The following STXBP5L variants were observed in gnomAD, a reference collection of about 807,000 sequenced individuals.
STXBP5L encodes the protein syntaxin binding protein 5L, also known as syntaxin-binding protein 5-like.
A neutral mutation model predicts 144.5 loss-of-function variants in STXBP5L; 65 were observed. The ratio of observed to expected loss-of-function variants is 0.45; its 90% CI spans 0.37 to 0.55. The LOEUF is 0.55. STXBP5L is among the 20% of genes least tolerant of loss of function. STXBP5L has a pLI of 0.00. For synonymous variants in STXBP5L, 505 were observed against 469.6 expected, an observed-to-expected ratio of 1.08 and a Z score of -0.97; for missense variants, 1,298 against 1,405.5, an observed-to-expected ratio of 0.92 and a Z score of 1.22.
intron 16 of STXBP5L, among the ~76,000 whole-genome samples, chr3:121,256,868 T>C (rs1206677956): frequency 1.3e-5 from 2 of 151,510 alleles, no homozygotes; most frequent in Non-Finnish European, 2.9e-5. Flanking sequence ...ATATTTATTA[T>C]ATAAAAACTT....
At chr3:121,123,831 T>C (rs1303611853) in intron 7 of STXBP5L, among the ~76,000 whole-genome samples, 1 of 151,800 alleles carries the variant, frequency 6.6e-6, no homozygotes, top group East Asian at 1.9e-4. Flanking sequence ...GTATATCAGT[T>C]TTTCCATCAA....
intron 19 of STXBP5L, among the ~76,000 whole-genome samples, chr3:121,304,540 T>C (rs144183575): frequency 6.6e-6 from 1 of 152,276 alleles, no homozygotes; most frequent in East Asian, 1.9e-4. Flanking sequence ...CAAAAGGAAT[T>C]AAATTAGGAA....
intron 24 of STXBP5L, 45 bp from the exon 25 acceptor site, chr3:121,415,812 G>T: frequency 1.5e-6 from 2 of 1,359,298 alleles, no homozygotes; most frequent in South Asian, 1.3e-5. Context: ...TATATTAATT[G>T]ATTTTTTAGT....
chr3:121,181,223 T>C (rs188836785), intron 9 of STXBP5L, among the ~76,000 whole-genome samples: 1 of 149,294 alleles, frequency 6.7e-6, no homozygotes, highest in Non-Finnish European at 1.5e-5. Flanking sequence ...TAACATTGAA[T>C]GTAAATGGCC....
chr3:121,189,220 G>C (rs2108150607), intron 9 of STXBP5L, among the ~76,000 whole-genome samples: 1 of 152,218 alleles, frequency 6.6e-6, no homozygotes, highest in African/African-American at 2.4e-5. Context: ...AAGCTCTTTA[G>C]TTTAATTAGA....
intron 17 of STXBP5L, among the ~76,000 whole-genome samples, 154 bp from the exon 18 acceptor site, chr3:121,258,889 A>G (rs1474622998): frequency 6.6e-6 from 1 of 152,198 alleles, no homozygotes; most frequent in East Asian, 1.9e-4. Flanking sequence ...GACTCAGCAT[A>G]TTTTGAGAAA....
intron 20 of STXBP5L, among the ~76,000 whole-genome samples, chr3:121,332,452 T>C (rs1319318712): frequency 1.4e-5 from 2 of 145,766 alleles, no homozygotes; most frequent in Non-Finnish European, 3.0e-5. Flanking sequence ...GAAAGACACA[T>C]TTAAGGAATT....
chr3:121,342,917 G>A (rs1290101218), intron 20 of STXBP5L, among the ~76,000 whole-genome samples: 34 of 149,758 alleles, frequency 2.3e-4, no homozygotes, highest in Non-Finnish European at 3.6e-4. Flanking sequence ...CTGAGGAATC[G>A]CCACACTGAC....
At chr3:121,037,545 G>T (rs1946848595) in intron 3 of STXBP5L, among the ~76,000 whole-genome samples, 1 of 151,876 alleles carries the variant, frequency 6.6e-6, no homozygotes, top group South Asian at 2.1e-4. Flanking sequence ...ATATGTTGTT[G>T]TATTAAATTT....
chr3:121,053,486 T>C (rs989296348), intron 5 of STXBP5L, among the ~76,000 whole-genome samples: 3 of 152,114 alleles, frequency 2.0e-5, no homozygotes, highest in Non-Finnish European at 2.9e-5. Context: ...AAACAAGAAA[T>C]GGGGAAAGGA....
At position 120,943,237 on chromosome 3, in the gene STXBP5L, G is replaced by C. The variant is rs72966715; in HGVS notation, c.190-11703G>C. ...CAATCAGAATTACAGATTCCTTAGA[G>C]ACTAAAGATTATATTCACAAGAGGT... On this transcript the variant is annotated intron_variant, in intron 2 of 26. Coordinates refer to ENST00000471454, the MANE Select transcript of STXBP5L (RefSeq NM_001308330.2). Among the ~76,000 whole-genome samples, 378 of 151,752 alleles carry C rather than the reference G, an allele frequency of 2.5e-3. 2 individuals are homozygous for C. The highest frequency in any genetic ancestry group is 8.6e-3 in the African/African-American group (355 of 41,510).
At chr3:121,121,009 G>A (rs1309724869) in intron 6 of STXBP5L, among the ~76,000 whole-genome samples, 1 of 151,222 alleles carries the variant, frequency 6.6e-6, no homozygotes, top group Non-Finnish European at 1.5e-5. Context: ...CAGATTGATA[G>A]AGAGAGCCCA....
intron 20 of STXBP5L, among the ~76,000 whole-genome samples, chr3:121,333,723 C>A (rs1588536): frequency 0.12 from 18,304 of 152,048 alleles, 1,162 homozygotes; most frequent in Non-Finnish European, 0.14. Flanking sequence ...ATACAAGTAA[C>A]CAGCAGGGAC....
At chr3:121,097,769 C>T (rs1436006478) in intron 5 of STXBP5L, among the ~76,000 whole-genome samples, 1 of 152,128 alleles carries the variant, frequency 6.6e-6, no homozygotes, top group East Asian at 1.9e-4. Context: ...GGCCATTTTG[C>T]CAGCTATCCC....
chr3:121,336,475 C>T (rs117826530), intron 20 of STXBP5L, among the ~76,000 whole-genome samples: 1,733 of 151,966 alleles, frequency 0.011, 45 homozygotes, highest in South Asian at 0.071. Flanking sequence ...CCAGCCTGGG[C>T]GTCAGCAAGA....
chr3:121,289,588 T>G (rs2051353283), intron 19 of STXBP5L, among the ~76,000 whole-genome samples: 1 of 152,106 alleles, frequency 6.6e-6, no homozygotes, highest in South Asian at 2.1e-4. Context: ...ACCCAACAAC[T>G]GCAGAATATA....
chr3:121,236,969 A>G (rs1226677443), intron 12 of STXBP5L, among the ~76,000 whole-genome samples: 1 of 152,188 alleles, frequency 6.6e-6, no homozygotes, highest in East Asian at 1.9e-4. Flanking sequence ...AAGCTCCAAA[A>G]TAATTTTCTT....
At chr3:121,211,816 G>T (rs544596809) in intron 10 of STXBP5L, among the ~76,000 whole-genome samples, 5 of 151,924 alleles carry the variant, frequency 3.3e-5, no homozygotes, top group African/African-American at 1.2e-4. Flanking sequence ...TCTTGACCTC[G>T]TGATCCGACC....
At chr3:120,992,184 C>T (rs1007994148) in intron 3 of STXBP5L, among the ~76,000 whole-genome samples, 5 of 151,814 alleles carry the variant, frequency 3.3e-5, no homozygotes, top group African/African-American at 4.8e-5. Context: ...CTTAATATTT[C>T]TCTGTATTTA....
Sources: allele counts gnomAD v4.1 joint callset (sites outside exome capture counted in the v4.1 genomes callset), GRCh38; gene constraint gnomAD v4.1.1; transcripts MANE v1.5; gene names NCBI Gene and HGNC (gene_info 2026-07-23, HGNC 2026-07-21).